The following NT5C2 variants were observed in gnomAD, a reference collection of about 807,000 sequenced individuals.
NT5C2 encodes the protein 5'-nucleotidase, cytosolic II, also known as cytosolic purine 5'-nucleotidase.
Under a neutral mutation model 76.1 loss-of-function variants are expected in NT5C2, and 58 were observed. The ratio of observed to expected loss-of-function variants is 0.76; its 90% CI spans 0.62 to 0.95. The LOEUF is 0.95. Ranked by LOEUF, NT5C2 falls within the 40% of genes least tolerant of loss-of-function variation. The probability of loss-of-function intolerance (pLI) is 0.00; values close to 1 mark genes in which losing one functional copy is unlikely to be tolerated. For synonymous variants in NT5C2, 229 were observed against 237.4 expected (o/e 0.96, Z 0.32); for missense variants, 478 against 690.3 (o/e 0.69, Z 3.45).
In NT5C2 at chr10:103,088,667, G is replaced by A. The variant is rs1170397606; in HGVS notation, c.*1005C>T. ...CTCCCAAAGTGCTGGGATTACAGGC[G>A]TGAGCCGCCGTGCCTGGCCTTGACT... On this transcript the variant is annotated 3_prime_UTR_variant, in exon 19 of 19. Transcript: ENST00000404739. 4 of 173,010 alleles carry A rather than the reference G, an allele frequency of 2.3e-5. No homozygotes were observed. Among genetic ancestry groups the A allele is most frequent in the East Asian group, 2.1e-4 (2 of 9,590 alleles). 10.7% of individuals were successfully genotyped at this position (173,010 alleles called of 1,614,324 possible). A position where few individuals can be genotyped will look rare whatever the true frequency, so the allele number is the denominator to read the frequency against.
chr10:103,089,987 G>C, intron 18 of NT5C2, 79 bp from the exon 19 acceptor site: 1 of 1,159,220 alleles, frequency 8.6e-7, no homozygotes, highest in Non-Finnish European at 1.2e-6. Flanking sequence ...CCTCTCCTCT[G>C]TTAGGTGGCC....
chr10:103,181,981 G>A (rs2091161128), intron 1 of NT5C2, among the ~76,000 whole-genome samples: 1 of 151,172 alleles, frequency 6.6e-6, no homozygotes, highest in East Asian at 1.9e-4. Context: ...CTGCACTCCA[G>A]CCTGGGCAAC....
At chr10:103,096,126 T>C (rs1029200793) in intron 11 of NT5C2, 146 bp from the exon 12 acceptor site, 1 of 635,454 alleles carries the variant, frequency 1.6e-6, no homozygotes, top group Non-Finnish European at 2.8e-6. Context: ...TATGAAATCA[T>C]GGCAGTGGAA....
chr10:103,124,057 T>C (rs2076217821), intron 4 of NT5C2, among the ~76,000 whole-genome samples: 1 of 152,098 alleles, frequency 6.6e-6, no homozygotes, highest in Non-Finnish European at 1.5e-5. Flanking sequence ...TAATTCTACA[T>C]GTATAATTTT....
At chr10:103,142,182 G>T (rs893204305) in intron 3 of NT5C2, among the ~76,000 whole-genome samples, 18 of 152,198 alleles carry the variant, frequency 1.2e-4, no homozygotes, top group Admixed American at 7.2e-4. Context: ...GCTATGAAAG[G>T]TTAGTAGGGG....
At chr10:103,121,734 G>A (rs1311285037) in intron 4 of NT5C2, among the ~76,000 whole-genome samples, 1 of 152,134 alleles carries the variant, frequency 6.6e-6, no homozygotes, top group Non-Finnish European at 1.5e-5. Flanking sequence ...TTAATGCCAA[G>A]TGCTTAGGTT....
chr10:103,123,492 C>A (rs983635188), intron 4 of NT5C2, among the ~76,000 whole-genome samples: 7 of 152,088 alleles, frequency 4.6e-5, no homozygotes, highest in Non-Finnish European at 8.8e-5. Context: ...TGGGATTACC[C>A]CTGTGAGCAA....
At chr10:103,115,420 A>C (rs974216076) in intron 4 of NT5C2, among the ~76,000 whole-genome samples, 2 of 152,176 alleles carry the variant, frequency 1.3e-5, no homozygotes, top group African/African-American at 4.8e-5. Context: ...AAAAAAAAGA[A>C]AATAGCCTGG....
intron 3 of NT5C2, among the ~76,000 whole-genome samples, chr10:103,162,350 C>A (rs974805527): frequency 3.3e-5 from 5 of 151,976 alleles, no homozygotes; most frequent in African/African-American, 1.2e-4. Flanking sequence ...ACACACACAC[C>A]TTCCATAAAT....
At chr10:103,100,117 A>G in intron 8 of NT5C2, 98 bp from the exon 9 acceptor site, 1 of 729,970 alleles carries the variant, frequency 1.4e-6, no homozygotes, top group East Asian at 2.6e-5. Context: ...TCCATATCAC[A>G]TGGGTAAAGG....
chr10:103,104,703 G>A (rs1415576233), intron 6 of NT5C2, among the ~76,000 whole-genome samples: 2 of 152,132 alleles, frequency 1.3e-5, no homozygotes, highest in African/African-American at 4.8e-5. Context: ...CAACTAAAGA[G>A]TCTTAGATGC....
intron 3 of NT5C2, among the ~76,000 whole-genome samples, chr10:103,142,775 G>C (rs958615305): frequency 1.3e-5 from 2 of 152,204 alleles, no homozygotes; most frequent in Non-Finnish European, 2.9e-5. Flanking sequence ...ACGAGGTCAG[G>C]AGTTCAAGAC....
chr10:103,193,067 G>T (rs1468820734), intron 1 of NT5C2, among the ~76,000 whole-genome samples, 169 bp downstream of exon 1: 4 of 151,338 alleles, frequency 2.6e-5, no homozygotes, highest in Non-Finnish European at 1.5e-5. Flanking sequence ...CGCGCTGGCG[G>T]GGACTCGGCC....
chr10:103,113,644 G>C (rs1381237163), intron 4 of NT5C2, among the ~76,000 whole-genome samples: 1 of 152,048 alleles, frequency 6.6e-6, no homozygotes, highest in Non-Finnish European at 1.5e-5. Context: ...CCTGGGCCGT[G>C]AAAGAGCTTA....
rs12573199 is a variant in NT5C2 at position 103,089,087 on chromosome 10, A to T, written c.*585T>A. 5,143 of 225,526 alleles carry T rather than the reference A, an allele frequency of 0.023. 113 individuals are homozygous for T. Among genetic ancestry groups the T allele is most frequent in the South Asian group, 0.11 (613 of 5,478 alleles). 14.0% of individuals were successfully genotyped at this position (225,526 alleles called of 1,614,324 possible). ...ATAGAATCCTGCCCTAAAGCAACGC[A>T]AGTAGAGCATACTTCTGTGCAAAGC... On this transcript the variant is annotated 3_prime_UTR_variant, in exon 19 of 19. Transcript: ENST00000404739.
At chr10:103,132,695 G>A (rs11191571) in intron 4 of NT5C2, among the ~76,000 whole-genome samples, 9 of 151,960 alleles carry the variant, frequency 5.9e-5, no homozygotes, top group Admixed American at 5.2e-4. Context: ...CGGTACAGGC[G>A]CCCGCCACCA....
In NT5C2 at chr10:103,095,897, C is replaced by T. The variant is rs371966265; in HGVS notation, c.813+42G>A. ...ATATTCCAGAATGATTAAATGCATT[C>T]ATTGTTATTAAAGCAGTGGTCTATT... On this transcript the variant is annotated intron_variant, in intron 12 of 18. Transcript: ENST00000404739. The T allele has an allele frequency of 2.1e-5, 32 of 1,533,100 alleles. No homozygotes were observed. In the African/African-American group the frequency reaches 3.8e-4, roughly 18 times the overall value. The allele number at this position is 1,533,100 out of a possible 1,614,324, so 95.0% of individuals were successfully genotyped here.
intron 1 of NT5C2, among the ~76,000 whole-genome samples, chr10:103,186,567 T>C (rs2135428988): frequency 6.6e-6 from 1 of 152,310 alleles, no homozygotes; most frequent in African/African-American, 2.4e-5. Flanking sequence ...TAATTCAAGA[T>C]TTATTTCACC....
chr10:103,183,230 A>T (rs546909810), intron 1 of NT5C2, among the ~76,000 whole-genome samples: 28 of 139,260 alleles, frequency 2.0e-4, no homozygotes, highest in Admixed American at 3.8e-4. Context: ...CACAAAACAC[A>T]TGAAAGGAGA....
Sources: gnomAD v4.1 joint callset for allele counts (sites outside exome capture counted in the v4.1 genomes callset) on GRCh38, gnomAD v4.1.1 for gene constraint, MANE v1.5 for transcripts, NCBI Gene and HGNC (gene_info 2026-07-23, HGNC 2026-07-21) for gene names.